Variants in BRPF1 observed in about 807,000 individuals in gnomAD.
The protein encoded by BRPF1 is peregrin.
A neutral mutation model predicts 115.0 loss-of-function variants in BRPF1; 15 were observed. The ratio of observed to expected loss-of-function variants is 0.13; its 90% CI spans 0.09 to 0.20. The LOEUF (loss-of-function observed/expected upper bound fraction) is 0.20. Among genes scored for constraint, BRPF1 ranks in the 10% least tolerant of loss-of-function variants. The probability of loss-of-function intolerance (pLI) is 1.00; values close to 1 mark genes in which losing one functional copy is unlikely to be tolerated. For synonymous variants in BRPF1, 647 were observed against 619.8 expected, an observed-to-expected ratio of 1.04 and a Z score of -0.65; for missense variants, 1,118 against 1,638.3, an observed-to-expected ratio of 0.68 and a Z score of 5.48.
rs532651964 is a variant in BRPF1, at chr3:9,746,340, A to G, written c.3365A>G (p.His1122Arg). The G allele has an allele frequency of 1.1e-5, 17 of 1,599,988 alleles. No individual in the cohort carries two copies. The East Asian group carries it at 3.2e-4, about 30-fold the overall frequency. Residue 1122 changes from histidine (H) to arginine (R), a missense_variant, in exon 13 of 14, where the codon CAT becomes CGT. His to Arg is a conservative substitution (Grantham distance 29). Transcript: ENST00000383829. ...PKMPREGMFH[H>R]GVPIPVPPLE... ...ATGCCCCGAGAAGGTATGTTCCACC[A>G]TGGGGTTCCCATCCCTGTGCCCCCA...
chr3:9,739,362 G>A lies in BRPF1; in HGVS notation c.963G>A (p.Leu321=). Residue 321 remains leucine, a synonymous_variant, in exon 3 of 14, where the codon CTG becomes CTA. Coordinates refer to ENST00000383829, the MANE Select transcript of BRPF1 (RefSeq NM_001003694.2). ...PEGQWLCRRC[L]QSPSRAVDCA... ...GCCAGTGGCTGTGCCGCCGTTGCCT[G>A]CAGTCACCCTCTCGTGCTGTGGATT... 1 of 1,614,186 alleles carries A rather than the reference G, an allele frequency of 6.2e-7. No individual in the cohort carries two copies. The highest frequency in any genetic ancestry group is 2.2e-5 in the East Asian group (1 of 44,880).
At position 9,745,864 on chromosome 3, in the gene BRPF1, C is replaced by G. The variant is rs1444976914; in HGVS notation, c.3258C>G (p.Asp1086Glu). The change falls in exon 12 of 14, where the codon GAC becomes GAG. Residue 1086 changes from aspartate to glutamate, a missense_variant. This residue lies in a region of BRPF1 where 100 missense variants were observed against 109.9 expected (regional missense o/e 0.91). Transcript: ENST00000383829. The surrounding 1 kb of genome is among the most constrained non-coding windows in gnomAD (Gnocchi z 5.1). ...CTGGCTGGCTGTCAGAGGATGAGGA[C>G]TCCCCGCTGGATGCTCTGGACCTCG... ...RGAGWLSEDE[D>E]SPLDALDLVW... The G allele has an allele frequency of 6.2e-7, 1 of 1,614,164 alleles. No individual in the cohort carries two copies. The highest frequency in any genetic ancestry group is 1.1e-5 in the South Asian group (1 of 91,074).
chr3:9,739,207 G>A lies in BRPF1; in HGVS notation c.808G>A (p.Val270Met), dbSNP rs781078333. The A allele has an allele frequency of 6.2e-7, 1 of 1,613,796 alleles. No homozygotes were observed. Among genetic ancestry groups the A allele is most frequent in the Non-Finnish European group, 8.5e-7 (1 of 1,179,726 alleles). Residue 270 changes from valine (V) to methionine (M), a missense_variant, in exon 3 of 14, where the codon GTG becomes ATG. Physicochemically the swap from Val to Met is conservative, Grantham distance 21. This residue lies in a region of BRPF1 where 280 missense variants were observed against 382.8 expected (regional missense o/e 0.73). Transcript: ENST00000383829. The stretch of plus-strand genomic sequence containing the variant: ...TAATAAAGGCGACCCTAATGCGCTA[G>A]TGGACGAGGATGCTGTTTGCTGTAT... ...SHNKGDPNAL[V>M]DEDAVCCICN...
Position 9,741,439 on chromosome 3 carries a change from G to A in BRPF1, c.1854G>A (p.Thr618=), listed in dbSNP as rs368707343. The change falls in exon 5 of 14, where the codon ACG becomes ACA. Residue 618 remains threonine (T), a splice_region_variant and synonymous_variant. Transcript: ENST00000383829. ...IRKREKLKRE[T]IKVQQIAMEM... is the part of the protein sequence containing the mutation. ...AGCGGGAAAAACTCAAAAGGGAGAC[G>A]GTGAGTGCTCCTGGGCCAGCCCTAT... 4.4e-6 allele frequency: 7 copies of A among 1,586,510 alleles called. No homozygotes were observed. The highest frequency in any genetic ancestry group is 1.4e-5 in the African/African-American group (1 of 73,840).
rs774092120 is a variant in BRPF1, at chr3:9,734,573, A to C, written c.433A>C (p.Thr145Pro). Residue 145 changes from threonine (T) to proline (P), a missense_variant, in exon 2 of 14, where the codon ACT becomes CCT. Transcript: ENST00000383829. The surrounding 1 kb of genome is among the most constrained non-coding windows in gnomAD (Gnocchi z 5.7). ...GGAGAACACTGAGACACCAGCTGCT[A>C]CTCCCAAGTCAGGCAAACATAAGAA... ...NKENTETPAATPKSGKHKNKE... is the reference protein window; with the variant it reads ...NKENTETPAAPPKSGKHKNKE... 3.1e-6 allele frequency: 5 copies of C among 1,614,090 alleles called. No individual in the cohort carries two copies. Among genetic ancestry groups the C allele is most frequent in the South Asian group, 1.1e-5 (1 of 91,086 alleles).
At position 9,747,391 on chromosome 3, in the gene BRPF1, TCTC is replaced by T. The variant is rs1351212656; in HGVS notation, c.*47_*49del. 9 of 1,595,898 alleles carry T rather than the reference TCTC, an allele frequency of 5.6e-6. No individual in the cohort carries two copies. Among genetic ancestry groups the T allele is most frequent in the Admixed American group, 1.7e-5 (1 of 59,640 alleles). On this transcript the variant is annotated 3_prime_UTR_variant, in exon 14 of 14. Transcript: ENST00000383829. This position sits in a 1 kb window ranked among gnomAD's most constrained non-coding sequence, Gnocchi z 5.6. ...CCAACCTATAGTGCCCTGTGACTTC[TCTC>T]CTCCCCTTTGCTCACTGTCCTGGAG...
chr3:9,738,928 C>T lies in BRPF1; in HGVS notation c.600-71C>T. 18 of 1,453,790 alleles carry T rather than the reference C, an allele frequency of 1.2e-5. No individual in the cohort carries two copies. In the South Asian group the frequency reaches 2.5e-4, roughly 20 times the overall value. The allele number at this position is 1,453,790 out of a possible 1,614,324, so 90.1% of individuals were successfully genotyped here. ...TAGGCACAGAGTAAGTGCTCAATGG[C>T]AAATGACCCATCATCTTTAAGGGAG... On this transcript the variant is annotated intron_variant, in intron 2 of 13. Transcript: ENST00000383829.
chr3:9,741,163 C>A, intron 4 of BRPF1, 145 bp from the exon 5 acceptor site: 2 of 1,128,520 alleles, frequency 1.8e-6, no homozygotes, highest in Non-Finnish European at 2.5e-6. Context: ...TCTGCCAGGC[C>A]TTGGGGACAC....
At chr3:9,733,850 A>C (rs1164576690) in intron 1 of BRPF1, among the ~76,000 whole-genome samples, 1 of 152,188 alleles carries the variant, frequency 6.6e-6, no homozygotes. Flanking sequence ...TAATGAAGAG[A>C]GTGTCATGAT....
chr3:9,746,162 G>A, intron 12 of BRPF1, 138 bp from the exon 13 acceptor site: 1 of 1,220,668 alleles, frequency 8.2e-7, no homozygotes, highest in South Asian at 1.5e-5. Context: ...ATGGAAAGAA[G>A]CTGAGGGTCA....
chr3:9,739,829 G>T lies in BRPF1; in HGVS notation c.1430G>T (p.Gly477Val). Reference sequence around the variant, plus strand: ...GATGAGGAGGAGGATGAGGGTAAGGGCTGGAGCTCAGAGAAAGTCAAGAAG... The same window carrying T: ...GATGAGGAGGAGGATGAGGGTAAGGTCTGGAGCTCAGAGAAAGTCAAGAAG... ...DEDEEEDEGK[G>V]WSSEKVKKAK... The change falls in exon 3 of 14, where the codon GGC becomes GTC. Residue 477 changes from glycine (G) to valine (V), a missense_variant. Gly to Val is a moderately radical substitution (Grantham distance 109, BLOSUM62 -3). Around this residue, in one of 10 missense-constraint regions of BRPF1, gnomAD observed 87 missense variants for 93.4 expected, o/e 0.93. Coordinates refer to ENST00000383829, the MANE Select transcript of BRPF1 (RefSeq NM_001003694.2). 1 of 1,602,650 alleles carries T rather than the reference G, an allele frequency of 6.2e-7. No individual in the cohort carries two copies. The highest frequency in any genetic ancestry group is 1.7e-5 in the Admixed American group (1 of 57,548).
rs143139316 is a variant in BRPF1 at position 9,734,638 on chromosome 3, C to A, written c.498C>A (p.His166Gln). The change falls in exon 2 of 14, where the codon CAC (histidine) becomes CAA (glutamine). Residue 166 changes from histidine to glutamine, a missense_variant. His to Gln is a conservative substitution (Grantham distance 24). Around this residue, in one of 10 missense-constraint regions of BRPF1, gnomAD observed 280 missense variants for 382.8 expected, o/e 0.73. Coordinates refer to ENST00000383829, the MANE Select transcript of BRPF1 (RefSeq NM_001003694.2). This position sits in a 1 kb window ranked among gnomAD's most constrained non-coding sequence, Gnocchi z 5.7. The part of the protein sequence containing the change: ...KRKDSNHHHH[H>Q]NVSASTTPKL... ...AGGACTCCAACCATCACCACCACCACAATGTTTCTGCGAGCACCACTCCCA... is the reference window on the plus strand; with the variant it reads ...AGGACTCCAACCATCACCACCACCAAAATGTTTCTGCGAGCACCACTCCCA... The A allele has an allele frequency of 1.9e-6, 3 of 1,614,052 alleles. No homozygotes were observed. Among genetic ancestry groups the A allele is most frequent in the Non-Finnish European group, 2.5e-6 (3 of 1,180,050 alleles).
chr3:9,740,070 A>G (rs991567680), intron 3 of BRPF1, 112 bp downstream of exon 3: 2 of 1,419,326 alleles, frequency 1.4e-6, no homozygotes, highest in African/African-American at 2.9e-5. Context: ...CAGGAGCTGC[A>G]TAGAAGTTAA....
In BRPF1 at chr3:9,739,695, C is replaced by T. The variant is rs1324222801; in HGVS notation, c.1296C>T (p.Asn432=). 2 of 1,613,316 alleles carry T rather than the reference C, an allele frequency of 1.2e-6. No individual in the cohort carries two copies. Among genetic ancestry groups the T allele is most frequent in the African/African-American group, 1.3e-5 (1 of 74,910 alleles). ...AGCCTGTGCGGGAGACAGGCGCCAA[C>T]GGCACCTCTTTCAGTGTCCGCAAGA... ...KMEPVRETGA[N]GTSFSVRKTA... is the part of the protein sequence containing the mutation. The change falls in exon 3 of 14, where the codon AAC becomes AAT. Residue 432 remains asparagine (N), a synonymous_variant. Transcript: ENST00000383829.
rs1575142045 is a variant in BRPF1, at chr3:9,731,914, T to C, written c.-235T>C. 1.3e-5 allele frequency: 2 copies of C among 152,506 alleles called. No individual in the cohort carries two copies. The allele number at this position is 152,506 out of a possible 1,614,324, so 9.4% of individuals were successfully genotyped here. On this transcript the variant is annotated 5_prime_UTR_variant, in exon 1 of 14. Transcript: ENST00000383829. ...CGAAACGGGCGGCGGCCGACGGAGTTGAGACCCCAGGGCGCCGGCGGGACC... is the reference window on the plus strand; with the variant it reads ...CGAAACGGGCGGCGGCCGACGGAGTCGAGACCCCAGGGCGCCGGCGGGACC...
chr3:9,743,291 G>C lies in BRPF1; in HGVS notation c.2311+38G>C, dbSNP rs2077063195. ...TCACACACACATATAAGAGGCCAAT[G>C]CCGGGGATGGACAGCTTTCCAAAAG... On this transcript the variant is annotated intron_variant, in intron 7 of 13. Transcript: ENST00000383829. This position sits in a 1 kb window ranked among gnomAD's most constrained non-coding sequence, Gnocchi z 6.1. 6.3e-7 allele frequency: 1 copy of C among 1,579,912 alleles called. No individual in the cohort carries two copies. Among genetic ancestry groups the C allele is most frequent in the African/African-American group, 1.3e-5 (1 of 74,240 alleles).
At position 9,745,568 on chromosome 3, in the gene BRPF1, C is replaced by T. The variant is rs754674820; in HGVS notation, c.3069-5C>T. 9.3e-6 allele frequency: 15 copies of T among 1,613,872 alleles called. No individual in the cohort carries two copies. The African/African-American group carries it at 2.0e-4, about 22-fold the overall frequency. On this transcript the variant is annotated splice_polypyrimidine_tract_variant and splice_region_variant and intron_variant, in intron 10 of 13. Transcript: ENST00000383829. This position sits in a 1 kb window ranked among gnomAD's most constrained non-coding sequence, Gnocchi z 5.1. ...TGAGCTGAGCTCCCATTGTCTTGTC[C>T]ACAGCACAACGCCCTCAAAACAAGG...
chr3:9,741,049 T>G, intron 4 of BRPF1, 108 bp downstream of exon 4: 1 of 1,255,216 alleles, frequency 8.0e-7, no homozygotes, highest in African/African-American at 1.5e-5. Flanking sequence ...TCTTTCCTCC[T>G]TTAAGCTAGC....
intron 2 of BRPF1, among the ~76,000 whole-genome samples, chr3:9,737,940 G>A (rs1281310625): frequency 1.3e-5 from 2 of 152,118 alleles, no homozygotes; most frequent in African/African-American, 4.8e-5. Context: ...TCCTCGTTCT[G>A]TCATCAGTAA....
Sources: gnomAD v4.1 joint callset for allele counts (sites outside exome capture counted in the v4.1 genomes callset) on GRCh38, gnomAD v4.1.1 for gene constraint, gnomAD v4.1.1 regional missense constraint, Gnocchi (gnomAD v3.1) non-coding constraint, MANE v1.5 for transcripts, NCBI Gene and HGNC (gene_info 2026-07-23, HGNC 2026-07-21) for gene names.